The following BACH2 variants were observed in gnomAD, a reference collection of about 807,000 sequenced individuals.
The protein encoded by BACH2 is transcription regulator protein BACH2.
Under a neutral mutation model 61.8 loss-of-function variants are expected in BACH2, and 5 were observed. That is an observed-to-expected ratio of 0.08 (90% CI 0.04 to 0.17). BACH2 has a LOEUF of 0.17. Ranked by LOEUF, BACH2 falls within the 10% of genes least tolerant of loss-of-function variation. The probability of loss-of-function intolerance (pLI) is 1.00; values close to 1 mark genes in which losing one functional copy is unlikely to be tolerated. For synonymous variants in BACH2, 446 were observed against 440.1 expected (o/e 1.01, Z -0.17); for missense variants, 824 against 1,091.1 (o/e 0.76, Z 3.45).
intron 5 of BACH2, among the ~76,000 whole-genome samples, chr6:90,054,977 C>T (rs931797876): frequency 7.2e-5 from 11 of 152,116 alleles, no homozygotes; most frequent in South Asian, 2.1e-4. Flanking sequence ...ATCTGTAAGT[C>T]ACCATCATTA....
intron 4 of BACH2, among the ~76,000 whole-genome samples, chr6:90,197,721 C>T (rs956189438): frequency 2.0e-5 from 3 of 152,130 alleles, no homozygotes; most frequent in African/African-American, 7.2e-5. Flanking sequence ...AAGAACCTAC[C>T]AGTTCAATCA....
rs531285996 is a variant in BACH2, at chr6:90,248,222, T to C, written c.-275+4291A>G. On this transcript the variant is annotated intron_variant, in intron 3 of 8. Transcript: ENST00000257749. ...ATGTTTGTGAAATCAACCAATTAAC[T>C]AATCTGCTGTCGTTTTTTCAGTACT... Among the ~76,000 whole-genome samples the C allele has an allele frequency of 3.9e-5, 6 of 152,332 alleles. No homozygotes were observed. The South Asian group carries it at 1.2e-3, about 32-fold the overall frequency.
intron 7 of BACH2, among the ~76,000 whole-genome samples, chr6:89,941,532 G>C (rs558299161): frequency 6.6e-6 from 1 of 152,314 alleles, no homozygotes; most frequent in East Asian, 1.9e-4. Flanking sequence ...CCTTGTTATG[G>C]GCTCGGGAAA....
At chr6:90,009,130 T>A (rs1365589816) in intron 5 of BACH2, among the ~76,000 whole-genome samples, 3 of 149,142 alleles carry the variant, frequency 2.0e-5, no homozygotes, top group African/African-American at 7.3e-5. Context: ...CCAGATCTTT[T>A]AATAGAACAT....
chr6:90,124,655 G>C (rs536779862), intron 4 of BACH2, among the ~76,000 whole-genome samples: 1 of 152,220 alleles, frequency 6.6e-6, no homozygotes, highest in African/African-American at 2.4e-5. Context: ...TTATGTACCA[G>C]AATTTACTTA....
chr6:90,004,191 C>T (rs759348302), intron 6 of BACH2, among the ~76,000 whole-genome samples: 5 of 152,192 alleles, frequency 3.3e-5, no homozygotes, highest in Non-Finnish European at 7.3e-5. Context: ...TTCTTTATTG[C>T]AGCCTGTGGT....
chr6:90,198,535 C>G (rs954837793), intron 4 of BACH2, among the ~76,000 whole-genome samples: 1 of 152,144 alleles, frequency 6.6e-6, no homozygotes, highest in Non-Finnish European at 1.5e-5. Flanking sequence ...TTTTCTATTC[C>G]GAAGACTTAA....
intron 5 of BACH2, among the ~76,000 whole-genome samples, chr6:90,029,125 T>G (rs1342567112): frequency 6.6e-6 from 1 of 152,198 alleles, no homozygotes; most frequent in Non-Finnish European, 1.5e-5. Context: ...TCTCCCGGCC[T>G]GCTTCCTATC....
chr6:90,080,046 C>A (rs1399351758), intron 5 of BACH2, among the ~76,000 whole-genome samples: 1 of 152,046 alleles, frequency 6.6e-6, no homozygotes, highest in Admixed American at 6.6e-5. Context: ...ACGGGCACCA[C>A]CCTGCCGTGA....
At chr6:90,042,613 C>T (rs187065204) in intron 5 of BACH2, among the ~76,000 whole-genome samples, 1 of 152,198 alleles carries the variant, frequency 6.6e-6, no homozygotes, top group East Asian at 1.9e-4. Context: ...AGTAAGGAAA[C>T]CACACATGAG....
At chr6:89,960,350 C>A (rs1774672746) in intron 6 of BACH2, among the ~76,000 whole-genome samples, 1 of 152,236 alleles carries the variant, frequency 6.6e-6, no homozygotes, top group African/African-American at 2.4e-5. Flanking sequence ...CAGGGCTAAA[C>A]TCATGTCTTC....
intron 4 of BACH2, among the ~76,000 whole-genome samples, chr6:90,102,722 A>G (rs972022795): frequency 1.3e-5 from 2 of 151,236 alleles, no homozygotes; most frequent in Admixed American, 1.3e-4. Flanking sequence ...CCGAGGAGGC[A>G]GAGGTTACAG....
intron 5 of BACH2, among the ~76,000 whole-genome samples, chr6:90,049,448 G>C (rs553373190): frequency 2.0e-5 from 3 of 152,278 alleles, no homozygotes; most frequent in Admixed American, 1.3e-4. Flanking sequence ...CTCTGGCAAT[G>C]AATCTCTGTG....
At chr6:90,217,578 T>C (rs1769582329) in intron 3 of BACH2, among the ~76,000 whole-genome samples, 1 of 152,194 alleles carries the variant, frequency 6.6e-6, no homozygotes, top group Non-Finnish European at 1.5e-5. Context: ...ACGCGGCATA[T>C]TTTCATTACA....
At chr6:90,052,752 G>A (rs1780112665) in intron 5 of BACH2, among the ~76,000 whole-genome samples, 1 of 152,136 alleles carries the variant, frequency 6.6e-6, no homozygotes, top group South Asian at 2.1e-4. Flanking sequence ...TATCAACAAA[G>A]CTACATAGCT....
At chr6:90,103,727 T>C (rs1051024083) in intron 4 of BACH2, among the ~76,000 whole-genome samples, 4 of 152,208 alleles carry the variant, frequency 2.6e-5, no homozygotes, top group African/African-American at 7.2e-5. Context: ...TGGGGGATCA[T>C]GGGGAACATC....
chr6:89,932,667 G>A lies in BACH2; in HGVS notation c.2267C>T (p.Ala756Val), dbSNP rs761363627. Reference protein sequence around the residue: ...PAPLGAEQNIAASQCAVGENV... With the variant: ...PAPLGAEQNIVASQCAVGENV... ...TTCCCCCACTGCGCATTGGGAGGCC[G>A]CAATGTTCTGCTCAGCACCCAAGGG... The change falls in exon 9 of 9, where the codon GCG (alanine) becomes GTG (valine). Residue 756 changes from alanine (A) to valine (V), a missense_variant. By Grantham distance (64) the Ala-to-Val change is moderately conservative. Around this residue, in one of 8 missense-constraint regions of BACH2, gnomAD observed 135 missense variants for 142.7 expected, o/e 0.95. Coordinates refer to ENST00000257749, the MANE Select transcript of BACH2 (RefSeq NM_021813.4). 6.8e-5 allele frequency: 110 copies of A among 1,614,104 alleles called. No homozygotes were observed. The highest frequency in any genetic ancestry group is 2.2e-4 in the South Asian group (20 of 91,072).
chr6:90,165,927 A>C (rs943266458), intron 4 of BACH2, among the ~76,000 whole-genome samples: 3 of 152,192 alleles, frequency 2.0e-5, no homozygotes, highest in African/African-American at 7.2e-5. Flanking sequence ...TTAAAGACTT[A>C]AAATGTTAGA....
chr6:89,974,271 T>A (rs1226671351), intron 6 of BACH2, among the ~76,000 whole-genome samples: 1 of 152,146 alleles, frequency 6.6e-6, no homozygotes, highest in African/African-American at 2.4e-5. Flanking sequence ...CCTCTCCTGC[T>A]CCAGTTTCCT....
Sources: gnomAD v4.1 joint callset for allele counts (sites outside exome capture counted in the v4.1 genomes callset) on GRCh38, gnomAD v4.1.1 for gene constraint, gnomAD v4.1.1 regional missense constraint, MANE v1.5 for transcripts, NCBI Gene and HGNC (gene_info 2026-07-23, HGNC 2026-07-21) for gene names.